Variants in ELF1 observed in about 807,000 individuals in gnomAD.
ELF1 encodes the protein ETS-related transcription factor Elf-1.
Under a neutral mutation model 59.9 loss-of-function variants are expected in ELF1, and 24 were observed. The ratio of observed to expected loss-of-function variants is 0.40; its 90% confidence interval spans 0.29 to 0.56. ELF1 has a LOEUF of 0.56. Among genes scored for constraint, ELF1 ranks in the 20% least tolerant of loss-of-function variants. The pLI, the probability that ELF1 is intolerant of heterozygous loss-of-function variation, is 0.44. For missense variants in ELF1, 627 were observed against 742.2 expected, an observed-to-expected ratio of 0.84 and a Z score of 1.80; for synonymous variants, 248 against 266.2, an observed-to-expected ratio of 0.93 and a Z score of 0.67.
Position 41,017,532 on chromosome 13 carries a change from A to C in ELF1, c.-229+1696T>G, listed in dbSNP as rs1198422735. On this transcript the variant is annotated intron_variant, in intron 1 of 8. Coordinates refer to ENST00000239882, the MANE Select transcript of ELF1 (RefSeq NM_172373.4). ...ATCTTATGGAAGGAAAAACGTGGAGAGGGAAATACTTAATAAATTGTTCTG... is the reference window on the plus strand; with the variant it reads ...ATCTTATGGAAGGAAAAACGTGGAGCGGGAAATACTTAATAAATTGTTCTG... Among the ~76,000 whole-genome samples the C allele has an allele frequency of 3.3e-5, 5 of 152,170 alleles. No individual in the cohort carries two copies. The South Asian group carries it at 6.2e-4, about 19-fold the overall frequency.
chr13:40,970,802 G>A (rs1184242039), intron 2 of ELF1, among the ~76,000 whole-genome samples: 2 of 152,114 alleles, frequency 1.3e-5, no homozygotes, highest in African/African-American at 2.4e-5. Context: ...TCAAGTGTCT[G>A]GTCAATGTAC....
In ELF1 at chr13:40,989,040, T is replaced by C. The variant is rs1371824039; in HGVS notation, c.-228-6758A>G. Among the ~76,000 whole-genome samples, 9 of 152,172 alleles carry C rather than the reference T, an allele frequency of 5.9e-5. No homozygotes were observed. The East Asian group carries it at 1.5e-3, about 26-fold the overall frequency. On this transcript the variant is annotated intron_variant, in intron 1 of 8. Coordinates refer to ENST00000239882, the MANE Select transcript of ELF1 (RefSeq NM_172373.4). ...CTCGAACTCCTGAGCTCAAGTGATC[T>C]GCCCACCTGAGCCTCCCAAAGTGCT...
intron 1 of ELF1, among the ~76,000 whole-genome samples, chr13:41,050,596 A>G (rs9315804): frequency 0.98 from 149,885 of 152,292 alleles, 73,802 homozygotes; most frequent in East Asian, 1. Context: ...TCGCTCTGTC[A>G]CCCAGTCTGG....
chr13:41,020,609 T>C (rs1047655230), upstream of ELF1, among the ~76,000 whole-genome samples: 1 of 152,150 alleles, frequency 6.6e-6, no homozygotes, highest in Non-Finnish European at 1.5e-5. Context: ...TGAAAAATAA[T>C]CTCCATGGTT....
intron 2 of ELF1, among the ~76,000 whole-genome samples, chr13:40,970,381 G>C (rs1333528315): frequency 6.6e-6 from 1 of 152,164 alleles, no homozygotes; most frequent in Non-Finnish European, 1.5e-5. Context: ...AGGTCTCCTA[G>C]TCACTTAGTA....
chr13:40,991,124 A>C (rs925659039), intron 1 of ELF1, among the ~76,000 whole-genome samples: 9 of 152,222 alleles, frequency 5.9e-5, no homozygotes, highest in African/African-American at 2.2e-4. Context: ...TCCACGAAAT[A>C]CCAGTTTATT....
Position 40,977,203 on chromosome 13 carries a change from C to A in ELF1, c.72+4780G>T, listed in dbSNP as rs193064055. On this transcript the variant is annotated intron_variant, in intron 2 of 8. Transcript: ENST00000239882. ...TTTCCTTCTCTTTAGAAACTTGTAT[C>A]CATAGACTTCTGCTTGCTTCTTCTT... 2.4e-4 allele frequency among the ~76,000 whole-genome samples: 36 copies of A among 152,036 alleles called. No individual in the cohort carries two copies. The East Asian group carries it at 6.2e-3, about 26-fold the overall frequency.
At chr13:41,038,853 T>G (rs930004048) in intron 1 of ELF1, among the ~76,000 whole-genome samples, 3 of 150,988 alleles carry the variant, frequency 2.0e-5, no homozygotes, top group Non-Finnish European at 4.4e-5. Flanking sequence ...CTGTCTCTAC[T>G]AAAAATGCAA....
intron 2 of ELF1, among the ~76,000 whole-genome samples, chr13:40,978,904 G>A (rs574803192): frequency 6.6e-6 from 1 of 152,120 alleles, no homozygotes; most frequent in Non-Finnish European, 1.5e-5. Flanking sequence ...TAGATTCAGG[G>A]GGTACATGTG....
intron 2 of ELF1, among the ~76,000 whole-genome samples, chr13:40,971,878 T>A (rs1755650036): frequency 6.6e-6 from 1 of 151,994 alleles, no homozygotes. Context: ...TTAATAGTAT[T>A]GGTGGGTTGT....
At chr13:41,030,603 T>C (rs938087145) in intron 1 of ELF1, among the ~76,000 whole-genome samples, 2 of 151,604 alleles carry the variant, frequency 1.3e-5, no homozygotes, top group African/African-American at 4.9e-5. Flanking sequence ...AAATAAAAAT[T>C]AGCCAGACTT....
chr13:41,055,424 T>C (rs2138439803), intron 1 of ELF1, among the ~76,000 whole-genome samples: 1 of 151,490 alleles, frequency 6.6e-6, no homozygotes, highest in Non-Finnish European at 1.5e-5. Context: ...TAACCAGCCT[T>C]CAAAGCTTAT....
Position 40,941,327 on chromosome 13 carries a change from G to A in ELF1, c.850C>T (p.Arg284Cys), listed in dbSNP as rs1300069318. 1.2e-6 allele frequency: 2 copies of A among 1,609,982 alleles called. No individual in the cohort carries two copies. Among genetic ancestry groups the A allele is most frequent in the Non-Finnish European group, 1.7e-6 (2 of 1,179,020 alleles). ...ATTTCTTTAAACTGATACACCAAGC[G>A]CTGACCTTCCACTTTTGCCAGAATA... is the stretch of plus-strand genomic sequence containing the variant. ...RGILAKVEGQ[R>C]LVYQFKEMPK... Residue 284 changes from arginine (R) to cysteine (C), a missense_variant, in exon 8 of 9, where the codon CGC becomes TGC. By Grantham distance (180) the Arg-to-Cys change is radical. Transcript: ENST00000239882.
chr13:41,024,051 A>G (rs1325758033), upstream of ELF1, among the ~76,000 whole-genome samples: 1 of 152,222 alleles, frequency 6.6e-6, no homozygotes, highest in Admixed American at 6.5e-5. Flanking sequence ...TGGTATGATT[A>G]TATTCTTTAT....
At chr13:40,995,398 G>A (rs1444500474) in intron 1 of ELF1, among the ~76,000 whole-genome samples, 1 of 152,290 alleles carries the variant, frequency 6.6e-6, no homozygotes, top group South Asian at 2.1e-4. Context: ...AGTCAGATTT[G>A]TAAGACAGGA....
chr13:40,995,169 T>C (rs1749583267), intron 1 of ELF1, among the ~76,000 whole-genome samples: 1 of 152,196 alleles, frequency 6.6e-6, no homozygotes, highest in Non-Finnish European at 1.5e-5. Context: ...TTAGGTGAAA[T>C]GCTCTTTCAT....
chr13:40,937,967 C>T (rs1223785007), intron 8 of ELF1, among the ~76,000 whole-genome samples: 9 of 152,004 alleles, frequency 5.9e-5, no homozygotes, highest in Admixed American at 5.9e-4. Context: ...CAGGTGCCTG[C>T]CACCATACCC....
At position 40,938,211 on chromosome 13, in the gene ELF1, G is replaced by A. The variant is rs571239724; in HGVS notation, c.1256+2710C>T. On this transcript the variant is annotated intron_variant, in intron 8 of 8. Coordinates refer to ENST00000239882, the MANE Select transcript of ELF1 (RefSeq NM_172373.4). ...AAATGGTCTCCAATGTTTACCAAGG[G>A]GCAATTTTCAGAAAATAGTTTACCA... is the stretch of plus-strand genomic sequence containing the variant. Among the ~76,000 whole-genome samples, 5 of 152,218 alleles carry A rather than the reference G, an allele frequency of 3.3e-5. No individual in the cohort carries two copies. In the South Asian group the frequency reaches 1.0e-3, roughly 32 times the overall value.
At chr13:41,017,696 C>G (rs888074300) in intron 1 of ELF1, among the ~76,000 whole-genome samples, 10 of 151,826 alleles carry the variant, frequency 6.6e-5, no homozygotes, top group Admixed American at 3.3e-4. Context: ...TTTAAGAAAC[C>G]AAATTCCTCT....
Sources: allele counts gnomAD v4.1 joint callset (sites outside exome capture counted in the v4.1 genomes callset), GRCh38; gene constraint gnomAD v4.1.1; transcripts MANE v1.5; gene names NCBI Gene and HGNC (gene_info 2026-07-23, HGNC 2026-07-21).